Variants in ARHGAP15 observed in about 807,000 individuals in gnomAD.
ARHGAP15 encodes Rho GTPase activating protein 15, also known as rho GTPase-activating protein 15.
In ARHGAP15, 51 loss-of-function variants were observed where a neutral mutation model predicts 63.7. That is an observed-to-expected ratio of 0.80 (90% confidence interval 0.64 to 1.01). The LOEUF (loss-of-function observed/expected upper bound fraction) is 1.01, where lower values mean the gene tolerates loss of function less well. Ranked by LOEUF, ARHGAP15 falls within the 50% of genes least tolerant of loss-of-function variation. The pLI, the probability that ARHGAP15 is intolerant of heterozygous loss-of-function variation, is 0.00. For missense variants in ARHGAP15, 560 were observed against 564.6 expected, an observed-to-expected ratio of 0.99 and a Z score of 0.08; for synonymous variants, 191 against 193.8, an observed-to-expected ratio of 0.99 and a Z score of 0.12.
At chr2:143,497,997 C>T (rs942657395) in intron 9 of ARHGAP15, among the ~76,000 whole-genome samples, 6 of 152,092 alleles carry the variant, frequency 3.9e-5, no homozygotes, top group Admixed American at 6.6e-5. Context: ...TAGACTGCTA[C>T]GAGCAAAGGA....
At chr2:143,569,823 A>G (rs1237665004) in intron 11 of ARHGAP15, among the ~76,000 whole-genome samples, 1 of 152,224 alleles carries the variant, frequency 6.6e-6, no homozygotes, top group Non-Finnish European at 1.5e-5. Context: ...CAGTCAAGCT[A>G]TAATAGTGGT....
At chr2:143,664,893 A>C (rs1169065018) in intron 12 of ARHGAP15, among the ~76,000 whole-genome samples, 1 of 152,118 alleles carries the variant, frequency 6.6e-6, no homozygotes, top group Non-Finnish European at 1.5e-5. Flanking sequence ...TGAATAGACC[A>C]ATAACAGGAG....
intron 6 of ARHGAP15, among the ~76,000 whole-genome samples, chr2:143,417,815 A>G (rs1272526836): frequency 6.6e-6 from 1 of 152,218 alleles, no homozygotes; most frequent in African/African-American, 2.4e-5. Context: ...CCATAGTCCA[A>G]AAATTGAGAA....
At chr2:143,236,141 T>G in intron 5 of ARHGAP15, 1 of 783,852 alleles carries the variant, frequency 1.3e-6, no homozygotes, top group East Asian at 3.1e-5. Context: ...TTCTTTTTGT[T>G]TTGTTTTGTT....
intron 5 of ARHGAP15, among the ~76,000 whole-genome samples, chr2:143,232,952 T>C (rs888355212): frequency 4.6e-5 from 7 of 152,184 alleles, no homozygotes; most frequent in Non-Finnish European, 8.8e-5. Flanking sequence ...TTCTGCTCTG[T>C]TAGTATAGTT....
intron 2 of ARHGAP15, among the ~76,000 whole-genome samples, chr2:143,178,968 A>G (rs1691118024): frequency 2.0e-5 from 3 of 152,254 alleles, no homozygotes; most frequent in African/African-American, 7.2e-5. Flanking sequence ...AAGCAACACT[A>G]AAATCCTAGA....
intron 13 of ARHGAP15, among the ~76,000 whole-genome samples, chr2:143,731,104 G>C (rs1471867830): frequency 2.6e-5 from 4 of 152,004 alleles, no homozygotes; most frequent in African/African-American, 9.7e-5. Flanking sequence ...TGAAACGCTA[G>C]AAAGGAAACT....
At chr2:143,223,186 T>C (rs1383284986) in intron 4 of ARHGAP15, among the ~76,000 whole-genome samples, 1 of 151,966 alleles carries the variant, frequency 6.6e-6, no homozygotes. Flanking sequence ...GTTGACCAAG[T>C]TGGTCTCAAA....
chr2:143,283,096 A>G (rs1291507938), intron 6 of ARHGAP15, among the ~76,000 whole-genome samples: 1 of 152,148 alleles, frequency 6.6e-6, no homozygotes, highest in Non-Finnish European at 1.5e-5. Flanking sequence ...ATTTTTCCCC[A>G]GGAGTTTTTT....
chr2:143,392,782 A>G (rs1041628373), intron 6 of ARHGAP15, among the ~76,000 whole-genome samples: 2 of 152,186 alleles, frequency 1.3e-5, no homozygotes, highest in African/African-American at 4.8e-5. Flanking sequence ...ATATGTCTCT[A>G]ATGATATAAT....
intron 11 of ARHGAP15, among the ~76,000 whole-genome samples, chr2:143,578,406 T>C (rs894658505): frequency 2.6e-5 from 4 of 152,142 alleles, no homozygotes; most frequent in African/African-American, 7.2e-5. Flanking sequence ...AAGGTAAATA[T>C]TGAGAGGGCC....
intron 6 of ARHGAP15, among the ~76,000 whole-genome samples, chr2:143,340,388 AC>A (rs1685003878): frequency 6.6e-6 from 1 of 152,108 alleles, no homozygotes; most frequent in East Asian, 1.9e-4. Context: ...GGTAATTTTA[AC>A]ATGTGCTCCA....
At chr2:143,670,446 G>A (rs1458121051) in intron 12 of ARHGAP15, among the ~76,000 whole-genome samples, 4 of 152,118 alleles carry the variant, frequency 2.6e-5, no homozygotes, top group Non-Finnish European at 4.4e-5. Context: ...CAAAGGATGC[G>A]GAAGATCAGG....
intron 4 of ARHGAP15, 56 bp from the exon 5 acceptor site, chr2:143,228,525 T>C (rs1693309267): frequency 8.1e-7 from 1 of 1,231,780 alleles, no homozygotes; most frequent in Non-Finnish European, 1.2e-6. Flanking sequence ...ACTGTATCTA[T>C]AAATGATTTC....
At chr2:143,550,904 G>A (rs1695532351) in intron 10 of ARHGAP15, among the ~76,000 whole-genome samples, 1 of 152,176 alleles carries the variant, frequency 6.6e-6, no homozygotes, top group African/African-American at 2.4e-5. Context: ...ACTGGGAAGG[G>A]AAGTGGTAGA....
At chr2:143,567,313 C>T (rs182739660) in intron 11 of ARHGAP15, among the ~76,000 whole-genome samples, 86 of 152,300 alleles carry the variant, frequency 5.6e-4, no homozygotes, top group African/African-American at 1.9e-3. Context: ...TTGAATGAAT[C>T]TAACAAACAA....
At chr2:143,554,674 T>C (rs1005028439) in intron 10 of ARHGAP15, among the ~76,000 whole-genome samples, 1 of 152,164 alleles carries the variant, frequency 6.6e-6, no homozygotes, top group African/African-American at 2.4e-5. Flanking sequence ...ATTAATTTTT[T>C]AACATTCTGG....
intron 6 of ARHGAP15, among the ~76,000 whole-genome samples, chr2:143,343,232 A>G (rs1685137987): frequency 6.6e-6 from 1 of 152,088 alleles, no homozygotes; most frequent in Admixed American, 6.6e-5. Flanking sequence ...GGAGCTCACC[A>G]TGTGGACAAG....
chr2:143,395,864 T>C (rs1171794352), intron 6 of ARHGAP15, among the ~76,000 whole-genome samples: 2 of 151,954 alleles, frequency 1.3e-5, no homozygotes, highest in East Asian at 3.9e-4. Context: ...CATGTTTCAC[T>C]TTTATCTATG....
Sources: gnomAD v4.1 joint callset for allele counts (sites outside exome capture counted in the v4.1 genomes callset) on GRCh38, gnomAD v4.1.1 for gene constraint, MANE v1.5 for transcripts, NCBI Gene and HGNC (gene_info 2026-07-23, HGNC 2026-07-21) for gene names.